The following ZNF44 variants were observed in gnomAD, a reference collection of about 807,000 sequenced individuals.
ZNF44 encodes the protein zinc finger protein 44.
In ZNF44, 9 loss-of-function variants were observed where a neutral mutation model predicts 11.7. That is an observed-to-expected ratio of 0.77 (90% CI 0.46 to 1.35). The LOEUF is 1.35. ZNF44 is among the 40% of genes most tolerant of loss of function. The probability of loss-of-function intolerance (pLI) is 0.00; values close to 1 mark genes in which losing one functional copy is unlikely to be tolerated. For synonymous variants in ZNF44, 224 were observed against 242.7 expected (o/e 0.92, Z 0.72); for missense variants, 696 against 743.1 (o/e 0.94, Z 0.74).
chr19:12,264,442 T>C (rs552055428), intron 5 of ZNF44, among the ~76,000 whole-genome samples: 2 of 152,292 alleles, frequency 1.3e-5, no homozygotes, highest in East Asian at 3.9e-4. Context: ...AGAACACTTT[T>C]GATATTTTAA....
chr19:12,266,590 C>T (rs973519266), intron 5 of ZNF44, among the ~76,000 whole-genome samples: 1 of 152,132 alleles, frequency 6.6e-6, no homozygotes, highest in Non-Finnish European at 1.5e-5. Context: ...GTAAGGCAAG[C>T]GCCTGAGAGG....
intron 7 of ZNF44, among the ~76,000 whole-genome samples, chr19:12,249,578 G>C (rs910342905): frequency 1.3e-5 from 2 of 151,878 alleles, no homozygotes; most frequent in African/African-American, 4.8e-5. Flanking sequence ...CCGAGATGGA[G>C]CTTCACTCTT....
chr19:12,244,088 T>C (rs1046318157), downstream of ZNF44, among the ~76,000 whole-genome samples: 3 of 152,168 alleles, frequency 2.0e-5, no homozygotes, highest in African/African-American at 7.2e-5. Flanking sequence ...GTTACCCAGG[T>C]TGGTGTCGAA....
chr19:12,252,229 AGAG>A, intron 5 of ZNF44, among the ~76,000 whole-genome samples: 1 of 152,324 alleles, frequency 6.6e-6, no homozygotes, highest in East Asian at 1.9e-4. Flanking sequence ...CAGCCACTCT[AGAG>A]AAGAGGGATA....
At chr19:12,262,348 G>A (rs1038674830) in intron 5 of ZNF44, among the ~76,000 whole-genome samples, 3 of 151,944 alleles carry the variant, frequency 2.0e-5, no homozygotes, top group Non-Finnish European at 2.9e-5. Flanking sequence ...TCAGCTCACT[G>A]CAACCTCCGT....
chr19:12,266,514 A>G (rs1275742008), intron 5 of ZNF44, among the ~76,000 whole-genome samples: 1 of 152,034 alleles, frequency 6.6e-6, no homozygotes, highest in Admixed American at 6.5e-5. Flanking sequence ...CGCCCTCAGA[A>G]CCCCTAATTG....
At chr19:12,271,798 T>C (rs1287351163), downstream of ZNF44, 1 of 152,198 alleles carries the variant, frequency 6.6e-6, no homozygotes, top group African/African-American at 2.4e-5. Context: ...AATACAACTA[T>C]GTACACAGCT....
At chr19:12,278,502 G>T (rs1351424773) in intron 1 of ZNF44, among the ~76,000 whole-genome samples, 2 of 152,110 alleles carry the variant, frequency 1.3e-5, no homozygotes, top group Non-Finnish European at 2.9e-5. Context: ...CACCAAGGGG[G>T]TCAGATTGCT....
At chr19:12,240,315 C>T (rs1402647750), upstream of ZNF44, among the ~76,000 whole-genome samples, 2 of 151,636 alleles carry the variant, frequency 1.3e-5, no homozygotes, top group Non-Finnish European at 2.9e-5. Context: ...TGTGGTGGCT[C>T]GTGCCTGTAA....
At chr19:12,283,185 A>T (rs1967559582) in intron 1 of ZNF44, among the ~76,000 whole-genome samples, 2 of 152,224 alleles carry the variant, frequency 1.3e-5, no homozygotes, top group South Asian at 4.1e-4. Flanking sequence ...GCGCAATGTA[A>T]CCATCCCCAA....
intron 1 of ZNF44, among the ~76,000 whole-genome samples, chr19:12,285,658 T>C (rs1380056668): frequency 6.6e-6 from 1 of 152,190 alleles, no homozygotes; most frequent in African/African-American, 2.4e-5. Context: ...GAAAAATTCA[T>C]GAACTGTTAG....
downstream of ZNF44, chr19:12,247,490 A>C (rs1028570157): frequency 7.4e-7 from 1 of 1,342,988 alleles, no homozygotes; most frequent in Non-Finnish European, 9.9e-7. Context: ...TATAACTGGA[A>C]CTACTGAAGG....
At chr19:12,251,776 G>A (rs1917005965) in intron 5 of ZNF44, among the ~76,000 whole-genome samples, 1 of 152,146 alleles carries the variant, frequency 6.6e-6, no homozygotes, top group Non-Finnish European at 1.5e-5. Context: ...TACAGGCCAG[G>A]CGCGTTGGCT....
chr19:12,286,597 A>G (rs1967760998), intron 1 of ZNF44, among the ~76,000 whole-genome samples: 1 of 151,572 alleles, frequency 6.6e-6, no homozygotes, highest in Admixed American at 6.6e-5. Context: ...AGATTGTGCT[A>G]CTGCACTCCA....
chr19:12,282,648 T>G (rs1171060213), intron 1 of ZNF44, among the ~76,000 whole-genome samples: 3 of 151,980 alleles, frequency 2.0e-5, no homozygotes, highest in Non-Finnish European at 4.4e-5. Context: ...GTCTCGAATT[T>G]CTGACCTGAG....
At chr19:12,234,212 C>T (rs1013560729) in intron 2 of ZNF44, among the ~76,000 whole-genome samples, 2 of 152,110 alleles carry the variant, frequency 1.3e-5, no homozygotes, top group Admixed American at 1.3e-4. Flanking sequence ...CAACAAGGCT[C>T]CCCCATAGCT....
chr19:12,273,831 TA>T lies in ZNF44; in HGVS notation c.423del (p.Tyr141Ter), dbSNP rs757398203. ...AAGCCTTTCCCACACTGCTTATGTG[TA>T]TATGACTTCTCTGCATATTCATGAC... ...RECHEYAEKS[Y>X]THKQCGKGLS... On this transcript the variant is annotated frameshift_variant, in exon 4 of 4. Transcript: ENST00000355684. LOFTEE classifies it low-confidence loss of function (END_TRUNC). 6 of 1,614,226 alleles carry T rather than the reference TA, an allele frequency of 3.7e-6. No homozygotes were observed. The highest frequency in any genetic ancestry group is 5.1e-6 in the Non-Finnish European group (6 of 1,180,040).
At chr19:12,283,456 G>C (rs2145751274) in intron 1 of ZNF44, among the ~76,000 whole-genome samples, 1 of 152,210 alleles carries the variant, frequency 6.6e-6, no homozygotes, top group South Asian at 2.1e-4. Flanking sequence ...AGCCTCCTGA[G>C]TAGCTGGGAT....
chr19:12,249,143 T>G (rs910055271), intron 7 of ZNF44, among the ~76,000 whole-genome samples: 2 of 151,876 alleles, frequency 1.3e-5, no homozygotes, highest in African/African-American at 4.8e-5. Context: ...CACCTCGGCT[T>G]CCCAAAGTGC....
Sources: allele counts gnomAD v4.1 joint callset (sites outside exome capture counted in the v4.1 genomes callset), GRCh38; gene constraint gnomAD v4.1.1; transcripts MANE v1.5; gene names NCBI Gene and HGNC (gene_info 2026-07-23, HGNC 2026-07-21).